The following DDX39A variants were observed in gnomAD, a reference collection of about 807,000 sequenced individuals.
The protein encoded by DDX39A is ATP-dependent RNA helicase DDX39A.
DDX39A carries 13 observed loss-of-function variants against 46.3 expected under a neutral mutation model. The ratio of observed to expected loss-of-function variants is 0.28; its 90% CI spans 0.18 to 0.45. DDX39A has a LOEUF of 0.45. Ranked by LOEUF, DDX39A falls within the 20% of genes least tolerant of loss-of-function variation. DDX39A has a pLI of 1.00. For synonymous variants in DDX39A, 234 were observed against 224.6 expected (o/e 1.04, Z -0.38); for missense variants, 352 against 581.8 (o/e 0.61, Z 4.06).
At position 14,409,661 on chromosome 19, in the gene DDX39A, G is replaced by C. The variant is rs1323454097; in HGVS notation, c.865-16C>G. On this transcript the variant is annotated splice_polypyrimidine_tract_variant and intron_variant, in intron 7 of 10. Coordinates refer to ENST00000242776, the MANE Select transcript of DDX39A (RefSeq NM_005804.4). The surrounding 1 kb of genome is among the most constrained non-coding windows in gnomAD (Gnocchi z 8.3). ...AGATTATCACCTGAGGGAAGGAGTG[G>C]CAGTCAGGGCCACACAGTCCCTGTG... 1 of 1,608,592 alleles carries C rather than the reference G, an allele frequency of 6.2e-7. No individual in the cohort carries two copies. Among genetic ancestry groups the C allele is most frequent in the Non-Finnish European group, 8.5e-7 (1 of 1,176,156 alleles).
chr19:14,419,053 C>CCCGAGCA (rs1347321844), intron 1 of DDX39A: 2 of 448,306 alleles, frequency 4.5e-6, no homozygotes, highest in African/African-American at 2.0e-5. Context: ...GGCCCCGAGC[C>CCCGAGCA]CCGAGCACCG....
At chr19:14,419,116 A>AAC (rs758691517) in intron 1 of DDX39A, 154 bp downstream of exon 1, 1 of 395,804 alleles carries the variant, frequency 2.5e-6, no homozygotes, top group Non-Finnish European at 5.0e-6. Context: ...CCCAACGGCC[A>AAC]ACACACAGCG....
chr19:14,410,419 A>C lies in DDX39A; in HGVS notation c.614-85T>G, dbSNP rs1051843229. ...CCAGACCAGACCCAGACCCCTCCCAACCTGTGCCAGGGAGCCAGTGGCACC... is the reference window on the plus strand; with the variant it reads ...CCAGACCAGACCCAGACCCCTCCCACCCTGTGCCAGGGAGCCAGTGGCACC... On this transcript the variant is annotated intron_variant, in intron 5 of 10. Coordinates refer to ENST00000242776, the MANE Select transcript of DDX39A (RefSeq NM_005804.4). The surrounding 1 kb of genome is among the most constrained non-coding windows in gnomAD (Gnocchi z 4.3). The C allele has an allele frequency of 8.1e-7, 1 of 1,227,802 alleles. No homozygotes were observed. Among genetic ancestry groups the C allele is most frequent in the Non-Finnish European group, 1.2e-6 (1 of 840,170 alleles). 76.1% of individuals were successfully genotyped at this position (1,227,802 alleles called of 1,614,324 possible). A position where few individuals can be genotyped will look rare whatever the true frequency, so the allele number is the denominator to read the frequency against.
rs1217713420 is a variant in DDX39A, at chr19:14,412,422, G to A, written c.336+129C>T. 2 of 1,328,460 alleles carry A rather than the reference G, an allele frequency of 1.5e-6. No individual in the cohort carries two copies. The highest frequency in any genetic ancestry group is 2.8e-5 in the South Asian group (2 of 71,884). The allele number at this position is 1,328,460 out of a possible 1,614,324, so 82.3% of individuals were successfully genotyped here. A position where few individuals can be genotyped will look rare whatever the true frequency, so the allele number is the denominator to read the frequency against. On this transcript the variant is annotated intron_variant, in intron 3 of 10. Transcript: ENST00000242776. The surrounding 1 kb of genome is among the most constrained non-coding windows in gnomAD (Gnocchi z 4.4). ...TAGCACACTGCAGCCTCGACTTCCT[G>A]GGCTCAAGCAATCCTCCAGCCTCAG...
intron 1 of DDX39A, chr19:14,415,826 C>G (rs1466298151): frequency 1.3e-5 from 2 of 153,654 alleles, no homozygotes; most frequent in Admixed American, 1.3e-4. Flanking sequence ...AATCCCAGCA[C>G]TTTGGGAGGC....
chr19:14,417,797 G>A (rs1481654112), intron 1 of DDX39A, among the ~76,000 whole-genome samples: 4 of 152,186 alleles, frequency 2.6e-5, no homozygotes, highest in Non-Finnish European at 5.9e-5. Context: ...CCAGGAGGTC[G>A]AGGCTGCCAG....
At chr19:14,415,366 C>T (rs1446976093) in intron 1 of DDX39A, among the ~76,000 whole-genome samples, 2 of 151,972 alleles carry the variant, frequency 1.3e-5, no homozygotes, top group African/African-American at 4.8e-5. Context: ...GTGGCCCAAT[C>T]AAAGCTCACT....
rs777056413 is a variant in DDX39A, at chr19:14,409,444, C to T, written c.978G>A (p.Leu326=). ...IHRGMAQEER[L]SRYQQFKDFQ... Reference sequence around the variant, plus strand: ...AATCCTTGAACTGCTGATAGCGTGACAGGCTGGGGTGCAGGAGAAACAAGT... The same window carrying T: ...AATCCTTGAACTGCTGATAGCGTGATAGGCTGGGGTGCAGGAGAAACAAGT... Residue 326 remains leucine, a synonymous_variant, in exon 9 of 11, where the codon CTG becomes CTA. Coordinates refer to ENST00000242776, the MANE Select transcript of DDX39A (RefSeq NM_005804.4). This position sits in a 1 kb window ranked among gnomAD's most constrained non-coding sequence, Gnocchi z 8.3. 3.7e-5 allele frequency: 59 copies of T among 1,613,902 alleles called. No homozygotes were observed. Among genetic ancestry groups the T allele is most frequent in the Non-Finnish European group, 4.8e-5 (57 of 1,180,034 alleles).
Position 14,411,738 on chromosome 19 carries a change from A to G in DDX39A, c.337-140T>C, listed in dbSNP as rs1444967531. 1 of 689,452 alleles carries G rather than the reference A, an allele frequency of 1.5e-6. No individual in the cohort carries two copies. The highest frequency in any genetic ancestry group is 1.8e-5 in the African/African-American group (1 of 56,600). 42.7% of individuals were successfully genotyped at this position (689,452 alleles called of 1,614,324 possible). The stretch of plus-strand genomic sequence containing the variant: ...TGAAGGCCCGGTCCAAATGCCTCCC[A>G]CTTCTCACGGCCCTTCCCCACCCCT... On this transcript the variant is annotated intron_variant, in intron 3 of 10. Coordinates refer to ENST00000242776, the MANE Select transcript of DDX39A (RefSeq NM_005804.4). The surrounding 1 kb of genome is among the most constrained non-coding windows in gnomAD (Gnocchi z 4.1).
Position 14,410,598 on chromosome 19 carries a change from A to C in DDX39A, c.614-264T>G, listed in dbSNP as rs1976544042. On this transcript the variant is annotated intron_variant, in intron 5 of 10. Transcript: ENST00000242776. This position sits in a 1 kb window ranked among gnomAD's most constrained non-coding sequence, Gnocchi z 4.3. ...GTGCGCCTCGAGCCACGCTTCAGGG[A>C]GGGGAGCCTGAGGCAGAGACAGCCG... 5.6e-6 allele frequency: 3 copies of C among 533,358 alleles called. No homozygotes were observed. The South Asian group carries it at 6.1e-5, about 11-fold the overall frequency. The allele number at this position is 533,358 out of a possible 1,614,324, so 33.0% of individuals were successfully genotyped here.
In DDX39A at chr19:14,411,321, G is replaced by A; in HGVS notation, c.430-149C>T. 4 of 1,080,982 alleles carry A rather than the reference G, an allele frequency of 3.7e-6. No individual in the cohort carries two copies. The highest frequency in any genetic ancestry group is 5.3e-6 in the Non-Finnish European group (4 of 756,826). The allele number at this position is 1,080,982 out of a possible 1,614,324, so 67.0% of individuals were successfully genotyped here. On this transcript the variant is annotated intron_variant, in intron 4 of 10. Transcript: ENST00000242776. This position sits in a 1 kb window ranked among gnomAD's most constrained non-coding sequence, Gnocchi z 4.1. ...CTCCACTCAAAGGCAGCCCCAGGCT[G>A]GGACCTGCGCAGGCCCCTGGGAGCC...
Position 14,412,611 on chromosome 19 carries a change from C to T in DDX39A, c.276G>A (p.Met92Ile). 6.2e-7 allele frequency: 1 copy of T among 1,611,104 alleles called. No homozygotes were observed. Among genetic ancestry groups the T allele is most frequent in the East Asian group, 2.2e-5 (1 of 44,882 alleles). Reference sequence around the variant, plus strand: ...CCAGCACGAAGACCGCTGTCTTGCCCATCCCGGACTTGGCCTGGCACAGGA... The same window carrying T: ...CCAGCACGAAGACCGCTGTCTTGCCTATCCCGGACTTGGCCTGGCACAGGA... Reference protein sequence around the residue: ...MDVLCQAKSGMGKTAVFVLAT... With the variant: ...MDVLCQAKSGIGKTAVFVLAT... The change falls in exon 3 of 11, where the codon ATG becomes ATA. Residue 92 changes from methionine to isoleucine, a missense_variant. By Grantham distance (10) the Met-to-Ile change is conservative. Coordinates refer to ENST00000242776, the MANE Select transcript of DDX39A (RefSeq NM_005804.4). This position sits in a 1 kb window ranked among gnomAD's most constrained non-coding sequence, Gnocchi z 4.4.
chr19:14,418,782 C>G (rs1009286173), intron 1 of DDX39A: 22 of 392,104 alleles, frequency 5.6e-5, no homozygotes, highest in African/African-American at 4.5e-4. Flanking sequence ...GTCTTATTTG[C>G]TCTAAATCTC....
Position 14,410,045 on chromosome 19 carries a change from G to T in DDX39A, c.732+171C>A. 9.3e-7 allele frequency: 1 copy of T among 1,070,900 alleles called. No homozygotes were observed. Among genetic ancestry groups the T allele is most frequent in the Non-Finnish European group, 1.4e-6 (1 of 704,166 alleles). 66.3% of individuals were successfully genotyped at this position (1,070,900 alleles called of 1,614,324 possible). A position where few individuals can be genotyped will look rare whatever the true frequency, so the allele number is the denominator to read the frequency against. ...GGATGTAAGCTCTGGCCCGACTCAG[G>T]TGTGGACCAAGCTTGACTCCCAGTT... On this transcript the variant is annotated intron_variant, in intron 6 of 10. Transcript: ENST00000242776. The surrounding 1 kb of genome is among the most constrained non-coding windows in gnomAD (Gnocchi z 4.3).
chr19:14,415,056 C>T (rs894186866), intron 1 of DDX39A, among the ~76,000 whole-genome samples: 1 of 151,968 alleles, frequency 6.6e-6, no homozygotes, highest in Admixed American at 6.6e-5. Flanking sequence ...GCAACCACTA[C>T]CACATGTGCA....
Position 14,412,771 on chromosome 19 carries a change from T to G in DDX39A, c.209-93A>C. The G allele has an allele frequency of 6.6e-7, 1 of 1,506,280 alleles. No individual in the cohort carries two copies. Among genetic ancestry groups the G allele is most frequent in the Non-Finnish European group, 8.9e-7 (1 of 1,122,638 alleles). 93.3% of individuals were successfully genotyped at this position (1,506,280 alleles called of 1,614,324 possible). A position where few individuals can be genotyped will look rare whatever the true frequency, so the allele number is the denominator to read the frequency against. On this transcript the variant is annotated intron_variant, in intron 2 of 10. Coordinates refer to ENST00000242776, the MANE Select transcript of DDX39A (RefSeq NM_005804.4). This position sits in a 1 kb window ranked among gnomAD's most constrained non-coding sequence, Gnocchi z 4.4. ...GACCGGGGGCCCACAGTGAGGGCAA[T>G]CAGAAGAGGCCGAGTCCGGACAAGG...
Position 14,414,952 on chromosome 19 carries a change from A to G in DDX39A, c.-4-1728T>C, listed in dbSNP as rs751812858. ...ACTCCAGCCTAAAAAAAAAAAAAAAAAAAAAGAAAAGCTTCACAGAGATAT... is the reference window on the plus strand; with the variant it reads ...ACTCCAGCCTAAAAAAAAAAAAAAAGAAAAAGAAAAGCTTCACAGAGATAT... On this transcript the variant is annotated intron_variant, in intron 1 of 10. Transcript: ENST00000242776. Among the ~76,000 whole-genome samples the G allele has an allele frequency of 3.2e-4, 48 of 151,750 alleles. 1 individual carries two copies. Among genetic ancestry groups the G allele is most frequent in the Non-Finnish European group, 2.7e-4 (18 of 67,902 alleles).
At chr19:14,416,741 C>T (rs1976825208) in intron 1 of DDX39A, among the ~76,000 whole-genome samples, 1 of 152,150 alleles carries the variant, frequency 6.6e-6, no homozygotes, top group African/African-American at 2.4e-5. Flanking sequence ...GGCTGGAGTG[C>T]AGTGGTGCAA....
At chr19:14,417,707 A>G (rs529430051) in intron 1 of DDX39A, among the ~76,000 whole-genome samples, 190 of 152,330 alleles carry the variant, frequency 1.2e-3, no homozygotes, top group Non-Finnish European at 2.3e-3. Flanking sequence ...AATTAAAAAA[A>G]GAAAAAAATT....
Sources: gnomAD v4.1 joint callset for allele counts (sites outside exome capture counted in the v4.1 genomes callset) on GRCh38, gnomAD v4.1.1 for gene constraint, Gnocchi (gnomAD v3.1) non-coding constraint, MANE v1.5 for transcripts, NCBI Gene and HGNC (gene_info 2026-07-23, HGNC 2026-07-21) for gene names.